Variants in ROR1 observed in about 807,000 individuals in gnomAD.
ROR1 encodes ROR family WNT receptor 1.
Under a neutral mutation model 78.8 loss-of-function variants are expected in ROR1, and 19 were observed. The observed-to-expected ratio is 0.24, with a 90% CI of 0.17 to 0.35. The LOEUF is 0.35. Ranked by LOEUF, ROR1 falls within the 10% of genes least tolerant of loss-of-function variation. The pLI, the probability that ROR1 is intolerant of heterozygous loss-of-function variation, is 1.00. For synonymous variants in ROR1, 386 were observed against 433.6 expected, an observed-to-expected ratio of 0.89 and a Z score of 1.36; for missense variants, 917 against 1,177.8, an observed-to-expected ratio of 0.78 and a Z score of 3.24.
intron 1 of ROR1, among the ~76,000 whole-genome samples, chr1:63,883,948 T>C (rs1403939611): frequency 1.3e-5 from 2 of 152,336 alleles, no homozygotes; most frequent in African/African-American, 4.8e-5. Flanking sequence ...CTCCTACTCC[T>C]GGTTTCTTCC....
chr1:63,786,217 G>A (rs935520753), intron 1 of ROR1, among the ~76,000 whole-genome samples: 80 of 148,976 alleles, frequency 5.4e-4, no homozygotes, highest in Non-Finnish European at 9.6e-4. Context: ...CCTGGCACAG[G>A]GAATAAAGCA....
intron 1 of ROR1, among the ~76,000 whole-genome samples, chr1:63,786,012 C>T (rs753580948): frequency 1.1e-4 from 17 of 151,942 alleles, no homozygotes; most frequent in Non-Finnish European, 1.5e-5. Context: ...CCAGGGGACA[C>T]GTGATAACTA....
At chr1:63,871,807 G>T (rs1327337357) in intron 1 of ROR1, among the ~76,000 whole-genome samples, 1 of 152,216 alleles carries the variant, frequency 6.6e-6, no homozygotes, top group African/African-American at 2.4e-5. Context: ...ATGGAAGCTG[G>T]TTGGAATGGA....
chr1:63,812,760 C>T (rs1234637854), intron 1 of ROR1, among the ~76,000 whole-genome samples: 1 of 152,070 alleles, frequency 6.6e-6, no homozygotes, highest in Non-Finnish European at 1.5e-5. Context: ...ATGTGTTGAG[C>T]ACTTTATTAA....
chr1:64,137,759 C>T (rs1649164888), intron 5 of ROR1, among the ~76,000 whole-genome samples: 1 of 152,124 alleles, frequency 6.6e-6, no homozygotes, highest in Non-Finnish European at 1.5e-5. Flanking sequence ...GTGCTTTCAC[C>T]GTACCAGGAA....
At chr1:63,840,508 T>G (rs2100312977) in intron 1 of ROR1, among the ~76,000 whole-genome samples, 1 of 152,090 alleles carries the variant, frequency 6.6e-6, no homozygotes, top group African/African-American at 2.4e-5. Flanking sequence ...TCTCGAACTC[T>G]TGACCTCAGG....
chr1:64,014,715 ATATATATATATACACATACGCACAC>A (rs1427927224), intron 2 of ROR1, among the ~76,000 whole-genome samples: 2 of 36,788 alleles, frequency 5.4e-5, no homozygotes, highest in Non-Finnish European at 1.2e-4. Flanking sequence ...CTGACAGACT[ATATATATATATACACATACGCACAC>A]TATATATATA....
chr1:63,825,449 C>T (rs1398958386), intron 1 of ROR1, among the ~76,000 whole-genome samples: 1 of 152,158 alleles, frequency 6.6e-6, no homozygotes, highest in African/African-American at 2.4e-5. Context: ...TGTGTGATTG[C>T]ATGTACATTA....
At chr1:64,047,213 C>G (rs972468376) in intron 2 of ROR1, among the ~76,000 whole-genome samples, 9 of 152,254 alleles carry the variant, frequency 5.9e-5, no homozygotes, top group Middle Eastern at 3.4e-3. Flanking sequence ...GAGACAGAGG[C>G]TGTGAAAACA....
rs903351359 is a variant in ROR1 at position 63,984,880 on chromosome 1, C to T, written c.92-24425C>T. Among the ~76,000 whole-genome samples the T allele has an allele frequency of 4.6e-5, 7 of 152,168 alleles. No individual in the cohort carries two copies. The East Asian group carries it at 7.7e-4, about 17-fold the overall frequency. On this transcript the variant is annotated intron_variant, in intron 1 of 8. Coordinates refer to ENST00000371079, the MANE Select transcript of ROR1 (RefSeq NM_005012.4). ...TAACTGTTCCACCCAAGTGAATTTT[C>T]CAACTAATCGAAGCATTTCTCATTA...
intron 1 of ROR1, among the ~76,000 whole-genome samples, chr1:63,933,426 CA>C (rs1645769661): frequency 6.6e-6 from 1 of 152,132 alleles, no homozygotes; most frequent in Admixed American, 6.5e-5. Context: ...TTAAATAGCC[CA>C]GTAGGAGTAT....
chr1:63,981,042 C>T (rs1483055673), intron 1 of ROR1, among the ~76,000 whole-genome samples: 2 of 151,628 alleles, frequency 1.3e-5, no homozygotes, highest in African/African-American at 4.8e-5. Flanking sequence ...GTCTGAATCA[C>T]TCATGCTGCC....
intron 4 of ROR1, among the ~76,000 whole-genome samples, chr1:64,135,551 G>T (rs976309717): frequency 2.0e-5 from 3 of 152,042 alleles, no homozygotes; most frequent in Non-Finnish European, 2.9e-5. Flanking sequence ...CTGTACTTAG[G>T]TTTCCAAGAT....
intron 4 of ROR1, among the ~76,000 whole-genome samples, chr1:64,118,009 T>C (rs1211175732): frequency 1.3e-5 from 2 of 152,230 alleles, no homozygotes; most frequent in African/African-American, 4.8e-5. Context: ...GAGACCAGCC[T>C]GGGCAACATG....
chr1:64,103,201 G>T (rs1347065761), intron 4 of ROR1, among the ~76,000 whole-genome samples: 1 of 152,086 alleles, frequency 6.6e-6, no homozygotes, highest in Non-Finnish European at 1.5e-5. Context: ...CTCTTTTTTG[G>T]TTCCATATGA....
chr1:63,870,802 C>T (rs1212010874), intron 1 of ROR1, among the ~76,000 whole-genome samples: 1 of 152,114 alleles, frequency 6.6e-6, no homozygotes, highest in Non-Finnish European at 1.5e-5. Context: ...AAAGTGTGTA[C>T]AGTGCATATG....
chr1:63,929,197 A>G (rs1401923372), intron 1 of ROR1, among the ~76,000 whole-genome samples: 3 of 152,154 alleles, frequency 2.0e-5, no homozygotes, highest in Non-Finnish European at 4.4e-5. Context: ...GCCCATCAGT[A>G]AGCACTGAAT....
At chr1:63,824,824 T>C (rs945573708) in intron 1 of ROR1, among the ~76,000 whole-genome samples, 2 of 152,252 alleles carry the variant, frequency 1.3e-5, no homozygotes, top group African/African-American at 2.4e-5. Context: ...TTTTGATGTG[T>C]CTTTTTTCAG....
intron 1 of ROR1, among the ~76,000 whole-genome samples, chr1:63,898,290 T>G (rs1297411294): frequency 7.0e-6 from 1 of 142,832 alleles, no homozygotes; most frequent in East Asian, 2.1e-4. Flanking sequence ...GTACAGCAGG[T>G]AAATAGATGT....
Sources: gnomAD v4.1 joint callset for allele counts (sites outside exome capture counted in the v4.1 genomes callset) on GRCh38, gnomAD v4.1.1 for gene constraint, MANE v1.5 for transcripts, NCBI Gene and HGNC (gene_info 2026-07-23, HGNC 2026-07-21) for gene names.